The following PRKG1 variants were observed in gnomAD, a reference collection of about 807,000 sequenced individuals.
The protein encoded by PRKG1 is protein kinase cGMP-dependent 1.
PRKG1 carries 35 observed loss-of-function variants against 88.1 expected under a neutral mutation model. That is an observed-to-expected ratio of 0.40 (90% confidence interval 0.30 to 0.53). The LOEUF is 0.53. Ranked by LOEUF, PRKG1 falls within the 20% of genes least tolerant of loss-of-function variation. The pLI, the probability that PRKG1 is intolerant of heterozygous loss-of-function variation, is 0.59. For missense variants in PRKG1, 540 were observed against 839.8 expected, an observed-to-expected ratio of 0.64 and a Z score of 4.41; for synonymous variants, 303 against 292.5, an observed-to-expected ratio of 1.04 and a Z score of -0.37.
intron 1 of PRKG1, among the ~76,000 whole-genome samples, chr10:51,091,432 A>G (rs1844395590): frequency 1.3e-5 from 2 of 152,148 alleles, no homozygotes; most frequent in African/African-American, 4.8e-5. Context: ...TGTATTTATA[A>G]ATTTTCCTTT....
intron 5 of PRKG1, among the ~76,000 whole-genome samples, chr10:52,022,982 A>G (rs971619337): frequency 1.3e-5 from 2 of 152,116 alleles, no homozygotes; most frequent in Admixed American, 1.3e-4. Flanking sequence ...TTTATTACAT[A>G]GGTATACACG....
chr10:52,120,848 G>A (rs1216169865), intron 7 of PRKG1, among the ~76,000 whole-genome samples: 2 of 152,116 alleles, frequency 1.3e-5, no homozygotes, highest in African/African-American at 4.8e-5. Flanking sequence ...CACTCCTATG[G>A]CTCCACTAGG....
intron 7 of PRKG1, among the ~76,000 whole-genome samples, chr10:52,074,503 A>G (rs529542459): frequency 3.3e-5 from 5 of 152,314 alleles, no homozygotes; most frequent in African/African-American, 9.6e-5. Context: ...AATTCCCTTC[A>G]GGTGCCACAA....
intron 3 of PRKG1, among the ~76,000 whole-genome samples, chr10:51,508,086 T>A (rs908923056): frequency 7.9e-5 from 12 of 152,146 alleles, no homozygotes; most frequent in African/African-American, 2.9e-4. Flanking sequence ...CTGTGTGACT[T>A]TATGTTACCT....
intron 3 of PRKG1, among the ~76,000 whole-genome samples, chr10:51,711,254 C>T (rs189615203): frequency 5.9e-5 from 9 of 152,154 alleles, no homozygotes; most frequent in South Asian, 2.1e-4. Context: ...TACAGGCGCC[C>T]GCCACCACGC....
chr10:51,777,295 T>C (rs77359307), intron 3 of PRKG1, among the ~76,000 whole-genome samples: 5 of 152,062 alleles, frequency 3.3e-5, no homozygotes, highest in Admixed American at 6.6e-5. Flanking sequence ...GACATTCAGA[T>C]TGGTTATAAA....
intron 2 of PRKG1, among the ~76,000 whole-genome samples, chr10:51,186,764 G>A (rs762982861): frequency 3.4e-4 from 52 of 151,508 alleles, no homozygotes; most frequent in Admixed American, 9.2e-4. Flanking sequence ...ATTTTAGAGC[G>A]TGCCCCTCAC....
At chr10:51,096,858 G>C (rs1419516697) in intron 1 of PRKG1, among the ~76,000 whole-genome samples, 1 of 152,200 alleles carries the variant, frequency 6.6e-6, no homozygotes, top group African/African-American at 2.4e-5. Context: ...ATGTTCTGGA[G>C]GTATGTTGCT....
At chr10:52,150,180 A>ATTATCATTATTATT (rs1554810280) in intron 8 of PRKG1, among the ~76,000 whole-genome samples, 1 of 137,186 alleles carries the variant, frequency 7.3e-6, no homozygotes, top group East Asian at 2.0e-4. Context: ...TAATAATAAT[A>ATTATCATTATTATT]ATAATTTGAT....
At chr10:51,596,235 A>G (rs1157902768) in intron 3 of PRKG1, among the ~76,000 whole-genome samples, 2 of 152,212 alleles carry the variant, frequency 1.3e-5, no homozygotes, top group African/African-American at 4.8e-5. Context: ...AGTACAAAGC[A>G]CATCTGACAT....
chr10:51,060,933 G>A (rs1441237135), intron 1 of PRKG1, among the ~76,000 whole-genome samples: 1 of 152,064 alleles, frequency 6.6e-6, no homozygotes, highest in South Asian at 2.1e-4. Flanking sequence ...TTGTCTTATG[G>A]CTTTCACTGC....
chr10:51,489,886 G>C (rs749764952), intron 3 of PRKG1, among the ~76,000 whole-genome samples: 1 of 152,168 alleles, frequency 6.6e-6, no homozygotes, highest in Non-Finnish European at 1.5e-5. Context: ...AGATTATTAA[G>C]AATGTTCTAT....
intron 1 of PRKG1, among the ~76,000 whole-genome samples, chr10:51,130,525 A>G (rs148422032): frequency 6.3e-4 from 96 of 152,270 alleles, no homozygotes; most frequent in Middle Eastern, 3.4e-3. Context: ...ATTTTATTTT[A>G]TATCCTGTAT....
At chr10:51,160,943 A>AT (rs1564622277) in intron 2 of PRKG1, among the ~76,000 whole-genome samples, 2 of 151,822 alleles carry the variant, frequency 1.3e-5, no homozygotes, top group Non-Finnish European at 2.9e-5. Flanking sequence ...TTCATAGCTT[A>AT]GTTATGTGAG....
chr10:51,138,677 T>G (rs865797288), intron 1 of PRKG1, among the ~76,000 whole-genome samples: 3 of 118,042 alleles, frequency 2.5e-5, no homozygotes, highest in African/African-American at 9.7e-5. Context: ...TGAGTTTTGT[T>G]TTTTTTTTTT....
intron 4 of PRKG1, among the ~76,000 whole-genome samples, chr10:51,841,805 C>A (rs989101912): frequency 3.3e-5 from 5 of 152,100 alleles, no homozygotes; most frequent in Non-Finnish European, 5.9e-5. Flanking sequence ...GCCTCGGCCT[C>A]CTGAGTAGCT....
At chr10:52,046,038 C>T (rs1437726937) in intron 5 of PRKG1, among the ~76,000 whole-genome samples, 4 of 152,048 alleles carry the variant, frequency 2.6e-5, no homozygotes. Flanking sequence ...TTCTTCTCAT[C>T]CACAGGACAT....
At chr10:51,939,435 C>T (rs973143575) in intron 5 of PRKG1, among the ~76,000 whole-genome samples, 1 of 151,762 alleles carries the variant, frequency 6.6e-6, no homozygotes, top group Non-Finnish European at 1.5e-5. Flanking sequence ...TTGATTACAA[C>T]CCTGAACAGA....
At chr10:51,262,959 C>T (rs1448636752) in intron 2 of PRKG1, among the ~76,000 whole-genome samples, 1 of 152,160 alleles carries the variant, frequency 6.6e-6, no homozygotes, top group Non-Finnish European at 1.5e-5. Flanking sequence ...ACTCTATCAG[C>T]CCACATAAGA....
Sources: allele counts gnomAD v4.1 joint callset (sites outside exome capture counted in the v4.1 genomes callset), GRCh38; gene constraint gnomAD v4.1.1; transcripts MANE v1.5; gene names NCBI Gene and HGNC (gene_info 2026-07-23, HGNC 2026-07-21).